The following SPATA13 variants were observed in gnomAD, a reference collection of about 807,000 sequenced individuals.
SPATA13 encodes the protein spermatogenesis associated 13.
SPATA13 carries 50 observed loss-of-function variants against 104.0 expected under a neutral mutation model. The ratio of observed to expected loss-of-function variants is 0.48; its 90% CI spans 0.38 to 0.61. The LOEUF (loss-of-function observed/expected upper bound fraction) is 0.61. Ranked by LOEUF, SPATA13 falls within the 20% of genes least tolerant of loss-of-function variation. SPATA13 has a pLI of 0.00. For missense variants in SPATA13, 1,524 were observed against 1,690.6 expected (o/e 0.90, Z 1.73); for synonymous variants, 606 against 667.5 (o/e 0.91, Z 1.42).
intron 3 of SPATA13, among the ~76,000 whole-genome samples, chr13:24,063,319 T>A (rs1878841947): frequency 6.6e-6 from 1 of 152,210 alleles, no homozygotes; most frequent in African/African-American, 2.4e-5. Context: ...AAAAATTGTA[T>A]GTGTTTATCA....
intron 2 of SPATA13, among the ~76,000 whole-genome samples, chr13:24,003,206 C>A (rs2137675674): frequency 6.6e-6 from 1 of 152,142 alleles, no homozygotes; most frequent in South Asian, 2.1e-4. Flanking sequence ...CTTAGATGTA[C>A]CTATAGATAG....
At chr13:24,053,126 A>G (rs545303669) in intron 3 of SPATA13, among the ~76,000 whole-genome samples, 3 of 152,064 alleles carry the variant, frequency 2.0e-5, no homozygotes, top group South Asian at 4.2e-4. Context: ...TCTCCGTGAC[A>G]TTCTTGTTTT....
chr13:24,159,900 A>G (rs1363920955), upstream of SPATA13, among the ~76,000 whole-genome samples: 2 of 152,208 alleles, frequency 1.3e-5, no homozygotes, highest in Non-Finnish European at 2.9e-5. Context: ...TATTTTATGA[A>G]TTCCATTAGC....
chr13:24,251,730 C>T lies in SPATA13; in HGVS notation c.2032C>T (p.Pro678Ser). Residue 678 changes from proline (P) to serine (S), a missense_variant, in exon 4 of 13, where the codon CCG becomes TCG. By Grantham distance (74) the Pro-to-Ser change is moderately conservative. Transcript: ENST00000382108. ...TTTCTTTTTGCAGCCGGCTTCCAGG[C>T]CGCCCATGCCTGCTCACCAGGTGCC... ...DNLLTQPASR[P>S]PMPAHQVPPY... is the part of the protein sequence containing the mutation. 6.2e-7 allele frequency: 1 copy of T among 1,613,346 alleles called. No homozygotes were observed. The highest frequency in any genetic ancestry group is 8.5e-7 in the Non-Finnish European group (1 of 1,179,676).
chr13:24,144,748 C>T (rs1881877001), intron 3 of SPATA13, among the ~76,000 whole-genome samples: 1 of 152,058 alleles, frequency 6.6e-6, no homozygotes, highest in Admixed American at 6.6e-5. Flanking sequence ...TGACCAGGGT[C>T]GGAAGAGGCA....
At chr13:24,132,833 TCGTGGTGGCACA>T (rs1473391408) in intron 3 of SPATA13, among the ~76,000 whole-genome samples, 1 of 152,024 alleles carries the variant, frequency 6.6e-6, no homozygotes, top group Non-Finnish European at 1.5e-5. Flanking sequence ...AATTAGCCAG[TCGTGGTGGCACA>T]CGTCTGTAGT....
At position 24,115,964 on chromosome 13, in the gene SPATA13, C is replaced by G. The variant is rs142477897; in HGVS notation, c.-112+98263C>G. On this transcript the variant is annotated intron_variant, in intron 3 of 14. Coordinates refer to the SPATA13 transcript ENST00000424834. ...CCAGAGCAGGTGACTCAGGAGAGGACAAGGTGAGAGCCACAGAACCTTATG... is the reference window on the plus strand; with the variant it reads ...CCAGAGCAGGTGACTCAGGAGAGGAGAAGGTGAGAGCCACAGAACCTTATG... Among the ~76,000 whole-genome samples, 467 of 152,308 alleles carry G rather than the reference C, an allele frequency of 3.1e-3. 2 individuals carry two copies. The highest frequency in any genetic ancestry group is 5.4e-3 in the Non-Finnish European group (368 of 68,026).
chr13:24,044,079 G>C (rs561609196), intron 3 of SPATA13, among the ~76,000 whole-genome samples: 1 of 152,324 alleles, frequency 6.6e-6, no homozygotes, highest in African/African-American at 2.4e-5. Context: ...ATGTTGAGAA[G>C]CTAAAGCCCG....
chr13:24,211,832 T>C (rs1433757827), intron 1 of SPATA13, among the ~76,000 whole-genome samples: 5 of 152,162 alleles, frequency 3.3e-5, no homozygotes, highest in Non-Finnish European at 7.4e-5. Flanking sequence ...TGTCCCTGCC[T>C]GTCGTCCTCC....
intron 4 of SPATA13, among the ~76,000 whole-genome samples, chr13:24,283,840 C>A (rs1256116175): frequency 6.6e-6 from 1 of 152,204 alleles, no homozygotes; most frequent in Non-Finnish European, 1.5e-5. Context: ...TTGTTAATAT[C>A]CAGTTTGGAG....
chr13:24,126,398 C>A (rs1290329956), intron 3 of SPATA13, among the ~76,000 whole-genome samples: 1 of 152,206 alleles, frequency 6.6e-6, no homozygotes, highest in African/African-American at 2.4e-5. Context: ...GTGGGGCTGA[C>A]AGATTGCTCC....
rs565858739 is a variant in SPATA13 at position 24,223,312 on chromosome 13, G to A, written c.383G>A (p.Arg128Gln). The A allele has an allele frequency of 1.1e-4, 172 of 1,551,522 alleles. No individual in the cohort carries two copies. In the South Asian group the frequency reaches 1.9e-3, roughly 17 times the overall value. Residue 128 changes from arginine to glutamine, a missense_variant, in exon 2 of 13, where the codon CGA (arginine) becomes CAA (glutamine). Arg to Gln is a conservative substitution (Grantham distance 43). Coordinates refer to ENST00000382108, the MANE Select transcript of SPATA13 (RefSeq NM_001166271.3). ...TCAGTCCTGAAAGGAATTCAGAGCCGAGAGGGGTCAAATGCCTGTTCAAAG... is the reference window on the plus strand; with the variant it reads ...TCAGTCCTGAAAGGAATTCAGAGCCAAGAGGGGTCAAATGCCTGTTCAAAG... ...KSSVLKGIQS[R>Q]EGSNACSKGE...
At chr13:24,180,409 C>T (rs976638496) in intron 1 of SPATA13, among the ~76,000 whole-genome samples, 1 of 152,118 alleles carries the variant, frequency 6.6e-6, no homozygotes, top group Non-Finnish European at 1.5e-5. Flanking sequence ...TTATAGTAAG[C>T]TTTGAAATTA....
chr13:24,085,102 A>G (rs1489847228), intron 3 of SPATA13, among the ~76,000 whole-genome samples: 1 of 152,008 alleles, frequency 6.6e-6, no homozygotes, highest in African/African-American at 2.4e-5. Context: ...GTAGTGTGGC[A>G]TGTAGGGCCC....
chr13:24,160,624 TG>T, upstream of SPATA13: 1 of 661,158 alleles, frequency 1.5e-6, no homozygotes, highest in Non-Finnish European at 1.8e-6. Context: ...CCTGAGGGAG[TG>T]AGCTAACCGG....
At chr13:24,174,211 T>A (rs191578757) in intron 1 of SPATA13, among the ~76,000 whole-genome samples, 130 of 152,310 alleles carry the variant, frequency 8.5e-4, no homozygotes, top group African/African-American at 2.8e-3. Flanking sequence ...AAGAAAGCGG[T>A]CCATTTTGTT....
At chr13:24,182,479 G>A (rs1868874238) in intron 1 of SPATA13, among the ~76,000 whole-genome samples, 1 of 126,726 alleles carries the variant, frequency 7.9e-6, no homozygotes, top group Non-Finnish European at 1.9e-5. Flanking sequence ...GATGAGAGAG[G>A]AAGTGAGAGA....
At position 24,160,908 on chromosome 13, in the gene SPATA13, G is replaced by C. The variant is rs997643935; in HGVS notation, c.-136G>C. The C allele has an allele frequency of 6.1e-6, 6 of 985,514 alleles. No homozygotes were observed. Among genetic ancestry groups the C allele is most frequent in the Non-Finnish European group, 7.2e-6 (6 of 830,122 alleles). 61.0% of individuals were successfully genotyped at this position (985,514 alleles called of 1,614,324 possible). On this transcript the variant is annotated 5_prime_UTR_variant, in exon 1 of 13. Transcript: ENST00000382108. The stretch of plus-strand genomic sequence containing the variant: ...CGTGTTGGACACGCTGACTTTGTAG[G>C]CTCCGCCAAGAGGCGCCGCAGGAGG...
intron 3 of SPATA13, among the ~76,000 whole-genome samples, chr13:24,151,806 G>A (rs1882106358): frequency 1.3e-5 from 2 of 152,136 alleles, no homozygotes; most frequent in South Asian, 4.2e-4. Flanking sequence ...ACAGAACCTG[G>A]CACATACTAG....
Sources: allele counts gnomAD v4.1 joint callset (sites outside exome capture counted in the v4.1 genomes callset), GRCh38; gene constraint gnomAD v4.1.1; transcripts MANE v1.5; gene names NCBI Gene and HGNC (gene_info 2026-07-23, HGNC 2026-07-21).